GAS5: variants seen among roughly 807,000 people sequenced by gnomAD.
GAS5 encodes growth arrest specific 5 (non-protein coding).
intron 5 of GAS5, chr1:173,865,681 T>C (rs780968093): frequency 1.7e-5 from 9 of 519,114 alleles, no homozygotes; most frequent in Non-Finnish European, 3.5e-5. Context: ...ATCAACATCA[T>C]TACACAAACC....
upstream of GAS5, chr1:173,867,898 A>G (rs1398509645): frequency 5.1e-6 from 2 of 391,378 alleles, no homozygotes; most frequent in African/African-American, 4.1e-5. Flanking sequence ...ATTCAGGGTG[A>G]CCTTAGCAGA....
upstream of GAS5, chr1:173,867,767 C>T (rs745647161): frequency 1.9e-6 from 1 of 519,158 alleles, no homozygotes. Flanking sequence ...CGAGGCTTCT[C>T]CGCAGTTCTA....
chr1:173,865,578 T>G (rs370941080), intron 5 of GAS5: 1 of 518,674 alleles, frequency 1.9e-6, no homozygotes, highest in Non-Finnish European at 3.9e-6. Context: ...TCCATTAAAA[T>G]GCTAAACATC....
upstream of GAS5, chr1:173,867,850 C>T (rs534765528): frequency 3.8e-5 from 18 of 475,424 alleles, no homozygotes; most frequent in East Asian, 4.7e-4. Context: ...ACTTGTAGGC[C>T]CTGCAAAGGC....
chr1:173,867,948 G>C (rs1347194733), upstream of GAS5: 1 of 359,752 alleles, frequency 2.8e-6, no homozygotes. Flanking sequence ...CATTCGCAAA[G>C]ATAAAACATA....
Position 173,866,325 on chromosome 1 carries a change from C to CTG in GAS5, n.132-120_132-119insCA, listed in dbSNP as rs778293523. On this transcript the variant is annotated intron_variant and non_coding_transcript_variant, in intron 3 of 7. Coordinates refer to ENST00000651080, the Ensembl canonical transcript of GAS5. ...CAGATACATCAGACAGATAGTACAT[C>CTG]TCTTCATGATTAAATCTGCTGAACT... 1.2e-3 allele frequency: 624 copies of CTG among 520,420 alleles called. 5 individuals carry two copies. The East Asian group carries it at 0.024, about 20-fold the overall frequency. The allele number at this position is 520,420 out of a possible 1,614,324, so 32.2% of individuals were successfully genotyped here.
chr1:173,865,194 T>C (rs915560507), intron 6 of GAS5: 2 of 280,296 alleles, frequency 7.1e-6, no homozygotes, highest in Admixed American at 5.2e-5. Context: ...GACTCTTGTC[T>C]AAAAAAAAAA....
At chr1:173,865,615 C>T (rs1457896022) in intron 5 of GAS5, 1 of 519,118 alleles carries the variant, frequency 1.9e-6, no homozygotes, top group Non-Finnish European at 3.8e-6. Flanking sequence ...AGTTGTCTGT[C>T]ACAGGGTTCT....
At chr1:173,865,520 C>T in exon 6 of GAS5, 1 of 511,536 alleles carries the variant, frequency 2.0e-6, no homozygotes, top group South Asian at 1.4e-5. Context: ...CCAAGCAAGT[C>T]ATCCATGGAT....
intron 1 of GAS5, chr1:173,866,839 TCACAGCA>T (rs1217729568): frequency 1.0e-5 from 8 of 765,406 alleles, no homozygotes; most frequent in Non-Finnish European, 1.4e-5. Context: ...AGAATGAACC[TCACAGCA>T]GTCACGTTAA....
intron 6 of GAS5, chr1:173,865,323 G>A (rs1485489451): frequency 2.1e-6 from 1 of 484,484 alleles, no homozygotes; most frequent in South Asian, 1.5e-5. Flanking sequence ...GTAGTAATAG[G>A]TGGATTTCTA....
chr1:173,867,705 C>T (rs1191295037), upstream of GAS5: 2 of 519,030 alleles, frequency 3.9e-6, no homozygotes, highest in Admixed American at 3.9e-5. Flanking sequence ...TTCATCATTA[C>T]TCTCAGATGT....
At chr1:173,865,194 T>TAAA (rs528813679) in intron 6 of GAS5, 39 of 295,730 alleles carry the variant, frequency 1.3e-4, no homozygotes, top group Middle Eastern at 2.3e-3. Flanking sequence ...GACTCTTGTC[T>TAAA]AAAAAAAAAA....
chr1:173,865,536 C>T (rs375212679), exon 6 of GAS5: 6 of 514,762 alleles, frequency 1.2e-5, no homozygotes, highest in South Asian at 2.8e-5. Context: ...TGGATAAAAA[C>T]GTTACCAGGA....
At chr1:173,866,241 ATT>A (rs1343497620) in intron 3 of GAS5, 4 of 486,892 alleles carry the variant, frequency 8.2e-6, no homozygotes, top group African/African-American at 2.0e-5. Flanking sequence ...AGCAAAAAAT[ATT>A]TTAATGGTAG....
intron 5 of GAS5, chr1:173,865,621 G>GT (rs1240778812): frequency 3.9e-6 from 2 of 519,196 alleles, no homozygotes; most frequent in Non-Finnish European, 7.7e-6. Flanking sequence ...CTGTCACAGG[G>GT]TTCTTCAGTG....
intron 3 of GAS5, chr1:173,866,499 G>T (rs1270799056): frequency 1.5e-6 from 1 of 671,196 alleles, no homozygotes; most frequent in East Asian, 2.8e-5. Context: ...TCCCTTAAAA[G>T]TGAGAAGTAC....
At chr1:173,864,059 T>C (rs1476554786) in intron 7 of GAS5, 1 of 437,112 alleles carries the variant, frequency 2.3e-6, no homozygotes, top group Non-Finnish European at 4.7e-6. Context: ...GCACTCTAGC[T>C]TGGGTGAGGC....
At chr1:173,865,333 A>G (rs776719092) in intron 6 of GAS5, 5 of 496,266 alleles carry the variant, frequency 1.0e-5, no homozygotes, top group Middle Eastern at 3.3e-4. Context: ...GTGGATTTCT[A>G]AAAGATTTCC....
Sources: allele counts gnomAD v4.1 joint callset, GRCh38; gene constraint gnomAD v4.1.1; transcripts MANE v1.5; gene names NCBI Gene and HGNC (gene_info 2026-07-23, HGNC 2026-07-21).